Variants in PKD1L1 observed in about 807,000 individuals in gnomAD.
The protein encoded by PKD1L1 is polycystin 1 like 1, transient receptor potential channel interacting, also known as polycystin-1-like protein 1.
A neutral mutation model predicts 323.4 loss-of-function variants in PKD1L1; 236 were observed. The observed-to-expected ratio is 0.73, with a 90% CI of 0.66 to 0.81. PKD1L1 has a LOEUF of 0.81. PKD1L1 is among the 40% of genes least tolerant of loss of function. The pLI is 0.00. For synonymous variants in PKD1L1, 1,344 were observed against 1,335.0 expected, an observed-to-expected ratio of 1.01 and a Z score of -0.15; for missense variants, 3,320 against 3,508.0, an observed-to-expected ratio of 0.95 and a Z score of 1.35.
rs11412484 is a variant in PKD1L1 at position 47,811,154 on chromosome 7, CT to C, written c.7581+662del. Among the ~76,000 whole-genome samples the C allele has an allele frequency of 7.6e-3, 918 of 121,222 alleles. 9 individuals are homozygous for C. The highest frequency in any genetic ancestry group is 0.023 in the African/African-American group (687 of 30,180). The allele number at this position is 121,222 out of a possible 152,430, so 79.5% of individuals were successfully genotyped here. ...GAGTGTGGGAAGTAAATGTCTCCTT[CT>C]TTTTTTTTTTTTTTTTTAGACGGAG... is the stretch of plus-strand genomic sequence containing the variant. On this transcript the variant is annotated intron_variant, in intron 50 of 56. Coordinates refer to ENST00000289672, the MANE Select transcript of PKD1L1 (RefSeq NM_138295.5).
At position 47,775,032 on chromosome 7, in the gene PKD1L1, C is replaced by T; in HGVS notation, c.*111G>A. ...TGAACTGGAAAAATTAACAAAACTT[C>T]TTCGTACCTCAGCTCTTCTCACCTG... On this transcript the variant is annotated 3_prime_UTR_variant, in exon 57 of 57. Coordinates refer to ENST00000289672, the MANE Select transcript of PKD1L1 (RefSeq NM_138295.5). 8.5e-7 allele frequency: 1 copy of T among 1,181,152 alleles called. No individual in the cohort carries two copies. The highest frequency in any genetic ancestry group is 1.2e-6 in the Non-Finnish European group (1 of 817,284). The allele number at this position is 1,181,152 out of a possible 1,614,324, so 73.2% of individuals were successfully genotyped here. A position where few individuals can be genotyped will look rare whatever the true frequency, so the allele number is the denominator to read the frequency against.
chr7:47,840,585 G>C lies in PKD1L1; in HGVS notation c.5446-18C>G. ...ATGTACACCTCAAAACAAAGAACAG[G>C]GGTGGGAACTCAGGCTATTTCACAG... On this transcript the variant is annotated intron_variant, in intron 34 of 56. Coordinates refer to ENST00000289672, the MANE Select transcript of PKD1L1 (RefSeq NM_138295.5). This position sits in a 1 kb window ranked among gnomAD's most constrained non-coding sequence, Gnocchi z 4.1. 1 of 1,584,910 alleles carries C rather than the reference G, an allele frequency of 6.3e-7. No homozygotes were observed. The highest frequency in any genetic ancestry group is 8.7e-7 in the Non-Finnish European group (1 of 1,154,012).
At chr7:47,834,518 G>A (rs1395353165) in intron 39 of PKD1L1, 133 bp from the exon 40 acceptor site, 2 of 766,856 alleles carry the variant, frequency 2.6e-6, no homozygotes, top group Non-Finnish European at 4.4e-6. Context: ...GCCAGAATGA[G>A]TATTTCTGAG....
rs1788040095 is a variant in PKD1L1, at chr7:47,943,511, C to T, written c.45G>A (p.Arg15=). Residue 15 remains arginine, a splice_region_variant and synonymous_variant, in exon 2 of 57, where the codon AGG becomes AGA. Coordinates refer to ENST00000289672, the MANE Select transcript of PKD1L1 (RefSeq NM_138295.5). ...AAQNISDDQE[R]CLQAACCLSF... ...AAAGGCAGCAGGCAGCCTGGAGACA[C>T]CTAAGGGAAAGAAAATAACCAGAGG... 2 of 1,610,862 alleles carry T rather than the reference C, an allele frequency of 1.2e-6. No homozygotes were observed. Among genetic ancestry groups the T allele is most frequent in the South Asian group, 2.2e-5 (2 of 91,018 alleles).
intron 13 of PKD1L1, among the ~76,000 whole-genome samples, chr7:47,900,567 A>C (rs1385844541): frequency 6.6e-6 from 1 of 152,118 alleles, no homozygotes; most frequent in Non-Finnish European, 1.5e-5. Flanking sequence ...CATCTCTACT[A>C]AAAATACAAA....
upstream of PKD1L1, among the ~76,000 whole-genome samples, chr7:47,948,919 T>C (rs1788156058): frequency 6.6e-6 from 1 of 151,764 alleles, no homozygotes; most frequent in African/African-American, 2.4e-5. Context: ...ATTGCACCAC[T>C]GTGCAATAGA....
chr7:47,885,433 A>C (rs1339968899), intron 18 of PKD1L1, among the ~76,000 whole-genome samples: 1 of 152,192 alleles, frequency 6.6e-6, no homozygotes, highest in Admixed American at 6.5e-5. Context: ...TGTAGCACAG[A>C]CACTGCACAC....
At chr7:47,835,092 C>T (rs765162790) in intron 38 of PKD1L1, 41 bp downstream of exon 38, 1 of 1,608,152 alleles carries the variant, frequency 6.2e-7, no homozygotes, top group Non-Finnish European at 8.5e-7. Flanking sequence ...AATGAAGGGG[C>T]TGCTCAGGAG....
intron 4 of PKD1L1, among the ~76,000 whole-genome samples, chr7:47,935,901 A>G (rs924401959): frequency 6.6e-5 from 10 of 152,270 alleles, no homozygotes; most frequent in African/African-American, 2.4e-4. Context: ...GCCTTTGAAC[A>G]ATAACATGAA....
At chr7:47,815,208 G>A (rs1784989449) in intron 47 of PKD1L1, 126 bp downstream of exon 47, 1 of 1,287,430 alleles carries the variant, frequency 7.8e-7, no homozygotes, top group East Asian at 2.4e-5. Context: ...AGAGCCACCG[G>A]CCTTACACCT....
At chr7:47,960,796 T>TA in the PKD1L1 span, among the ~76,000 whole-genome samples, 1 of 150,704 alleles carries the variant, frequency 6.6e-6, no homozygotes, top group Non-Finnish European at 1.5e-5. Flanking sequence ...CACTAATCAT[T>TA]AAGAAAATGA....
At chr7:47,795,955 A>G (rs1268840685) in intron 55 of PKD1L1, 34 bp downstream of exon 55, 3 of 1,597,288 alleles carry the variant, frequency 1.9e-6, no homozygotes, top group East Asian at 2.2e-5. Flanking sequence ...AGTGTGTGCT[A>G]TCATGCTCAG....
rs1299551899 is a variant in PKD1L1, at chr7:47,800,800, G to A, written c.8042C>T (p.Thr2681Ile). ...LLSMWVLPPG[T>I]FTDAFPGLLF... ...CAGCCCGGGGAAGGCGTCTGTGAAG[G>A]TGCCAGGTGGTAGAACCCACATAGA... The change falls in exon 54 of 57, where the codon ACC (threonine) becomes ATC (isoleucine). Residue 2681 changes from threonine to isoleucine, a missense_variant. Coordinates refer to ENST00000289672, the MANE Select transcript of PKD1L1 (RefSeq NM_138295.5). 1 of 1,614,152 alleles carries A rather than the reference G, an allele frequency of 6.2e-7. No individual in the cohort carries two copies. The highest frequency in any genetic ancestry group is 8.5e-7 in the Non-Finnish European group (1 of 1,180,042).
intron 26 of PKD1L1, among the ~76,000 whole-genome samples, chr7:47,859,103 G>A (rs1785969012): frequency 6.6e-6 from 1 of 152,242 alleles, no homozygotes; most frequent in Non-Finnish European, 1.5e-5. Context: ...CTGGATTTAA[G>A]TCCAGGTTTG....
chr7:47,900,396 G>T (rs942242784), intron 13 of PKD1L1, among the ~76,000 whole-genome samples: 1 of 152,176 alleles, frequency 6.6e-6, no homozygotes, highest in African/African-American at 2.4e-5. Context: ...CCATACACTT[G>T]CAGAACAATG....
intron 1 of PKD1L1, among the ~76,000 whole-genome samples, chr7:47,944,280 T>C (rs2708853): frequency 0.45 from 68,988 of 151,866 alleles, 16,491 homozygotes; most frequent in East Asian, 0.52. Flanking sequence ...CTCCTCTTGC[T>C]CCTGCTGTCG....
upstream of PKD1L1, among the ~76,000 whole-genome samples, chr7:47,948,838 TC>T (rs370099462): frequency 3.2e-3 from 493 of 151,840 alleles, 2 homozygotes; most frequent in African/African-American, 0.011. Context: ...ACATCTGTAA[TC>T]CCAGTTACCC....
chr7:47,886,299 G>A (rs1039155054), intron 17 of PKD1L1, among the ~76,000 whole-genome samples: 2 of 151,362 alleles, frequency 1.3e-5, no homozygotes, highest in Non-Finnish European at 2.9e-5. Flanking sequence ...TGCACCTGAC[G>A]TTTGCTCTTC....
chr7:47,830,428 A>G (rs901893957), intron 42 of PKD1L1, among the ~76,000 whole-genome samples: 4 of 152,082 alleles, frequency 2.6e-5, no homozygotes, highest in Admixed American at 2.0e-4. Flanking sequence ...GTTGGGGTAT[A>G]ATAATAATAA....
Sources: gnomAD v4.1 joint callset for allele counts (sites outside exome capture counted in the v4.1 genomes callset) on GRCh38, gnomAD v4.1.1 for gene constraint, Gnocchi (gnomAD v3.1) non-coding constraint, MANE v1.5 for transcripts, NCBI Gene and HGNC (gene_info 2026-07-23, HGNC 2026-07-21) for gene names.